The following NEIL3 variants were observed in gnomAD, a reference collection of about 807,000 sequenced individuals.
NEIL3 encodes nei like DNA glycosylase 3, also known as endonuclease 8-like 3.
NEIL3 carries 48 observed loss-of-function variants against 57.5 expected under a neutral mutation model. The observed-to-expected ratio is 0.83, with a 90% CI of 0.66 to 1.06. The LOEUF (loss-of-function observed/expected upper bound fraction) is 1.06, where lower values mean the gene tolerates loss of function less well. NEIL3 is among the 50% of genes least tolerant of loss of function. The pLI, the probability that NEIL3 is intolerant of heterozygous loss-of-function variation, is 0.00. For synonymous variants in NEIL3, 261 were observed against 253.2 expected, an observed-to-expected ratio of 1.03 and a Z score of -0.29; for missense variants, 717 against 739.1, an observed-to-expected ratio of 0.97 and a Z score of 0.35.
At chr4:177,348,246 A>C (rs182587060) in intron 6 of NEIL3, among the ~76,000 whole-genome samples, 118 of 152,274 alleles carry the variant, frequency 7.7e-4, no homozygotes, top group African/African-American at 2.5e-3. Context: ...ACGTTCCCAC[A>C]TGACGCCCAT....
In NEIL3 at chr4:177,358,614, A is replaced by T. The variant is rs940159261; in HGVS notation, c.1461-1889A>T. On this transcript the variant is annotated intron_variant, in intron 8 of 9. Transcript: ENST00000264596. ...GAGCCACCATGCCCAGCCTGTGGCT[A>T]TGTTTTTAATTTAATTTTTAAGGGA... 3.3e-5 allele frequency among the ~76,000 whole-genome samples: 5 copies of T among 152,224 alleles called. No individual in the cohort carries two copies. In the East Asian group the frequency reaches 5.8e-4, roughly 18 times the overall value.
rs368099738 is a variant in NEIL3, at chr4:177,335,740, T to C, written c.331T>C (p.Tyr111His). 22 of 1,598,070 alleles carry C rather than the reference T, an allele frequency of 1.4e-5. No homozygotes were observed. Among genetic ancestry groups the C allele is most frequent in the Admixed American group, 1.8e-5 (1 of 56,692 alleles). Residue 111 changes from tyrosine (Y) to histidine (H), a missense_variant, in exon 3 of 10, where the codon TAT (tyrosine) becomes CAT (histidine). Tyr to His is a moderately conservative substitution (Grantham distance 83, BLOSUM62 2). Transcript: ENST00000264596. ...FIMINPLEYKYKNGASPVLEV... is the reference protein window; with the variant it reads ...FIMINPLEYKHKNGASPVLEV... ...CATGATTAATCCACTTGAGTATAAA[T>C]ATAAAAATGGAGCTTCTCCTGTTTT...
At chr4:177,323,645 C>T (rs1734728713) in intron 2 of NEIL3, among the ~76,000 whole-genome samples, 1 of 152,144 alleles carries the variant, frequency 6.6e-6, no homozygotes, top group African/African-American at 2.4e-5. Flanking sequence ...TTGCAGGTTA[C>T]ACTGCTGCTG....
chr4:177,349,463 G>C (rs1377844882), intron 6 of NEIL3, among the ~76,000 whole-genome samples: 3 of 152,018 alleles, frequency 2.0e-5, no homozygotes, highest in Non-Finnish European at 4.4e-5. Flanking sequence ...TGGTCTCCTT[G>C]CCTTCTCTTT....
chr4:177,356,484 C>T (rs972776716), intron 8 of NEIL3, among the ~76,000 whole-genome samples: 7 of 152,196 alleles, frequency 4.6e-5, no homozygotes, highest in African/African-American at 1.2e-4. Flanking sequence ...AGCTACTTTA[C>T]AAGGAATAAA....
intron 1 of NEIL3, among the ~76,000 whole-genome samples, chr4:177,317,509 G>A (rs897233742): frequency 1.1e-4 from 16 of 151,226 alleles, no homozygotes; most frequent in South Asian, 8.4e-4. Context: ...AATAAGTGGC[G>A]CAGTAAACAT....
intron 2 of NEIL3, among the ~76,000 whole-genome samples, chr4:177,328,392 C>T (rs757962663): frequency 1.6e-4 from 25 of 152,116 alleles, no homozygotes; most frequent in Non-Finnish European, 2.9e-4. Context: ...GTCCCTCACA[C>T]GTACCTAGCC....
intron 2 of NEIL3, among the ~76,000 whole-genome samples, chr4:177,333,179 G>T (rs1356712643): frequency 6.6e-6 from 1 of 151,762 alleles, no homozygotes; most frequent in Non-Finnish European, 1.5e-5. Context: ...ATAGGCAGTT[G>T]CCTTATTTGC....
chr4:177,336,488 A>G (rs1734982563), intron 4 of NEIL3, among the ~76,000 whole-genome samples, 167 bp downstream of exon 4: 1 of 152,026 alleles, frequency 6.6e-6, no homozygotes, highest in South Asian at 2.1e-4. Flanking sequence ...GGCTCCTACC[A>G]CCGCACTTGC....
At chr4:177,315,663 G>C (rs1336362410) in intron 1 of NEIL3, among the ~76,000 whole-genome samples, 1 of 152,134 alleles carries the variant, frequency 6.6e-6, no homozygotes, top group African/African-American at 2.4e-5. Context: ...CAAAAACCTT[G>C]CCCAGTTTGT....
chr4:177,344,502 G>A (rs189423758), intron 6 of NEIL3, among the ~76,000 whole-genome samples: 101 of 152,104 alleles, frequency 6.6e-4, no homozygotes, highest in African/African-American at 2.2e-3. Flanking sequence ...CAATTTTCCA[G>A]TTTCTACTGA....
intron 1 of NEIL3, among the ~76,000 whole-genome samples, chr4:177,321,732 A>G (rs1365447788): frequency 1.3e-5 from 2 of 152,148 alleles, no homozygotes; most frequent in African/African-American, 4.8e-5. Flanking sequence ...TATTCTTAAC[A>G]TTGTGCTTGG....
intron 6 of NEIL3, among the ~76,000 whole-genome samples, chr4:177,349,969 G>A (rs538424664): frequency 1.3e-5 from 2 of 152,256 alleles, no homozygotes; most frequent in East Asian, 3.9e-4. Context: ...CAGAGATTAG[G>A]TCAAATAAAC....
At chr4:177,338,458 CT>C (rs1313484399) in intron 4 of NEIL3, among the ~76,000 whole-genome samples, 1 of 152,142 alleles carries the variant, frequency 6.6e-6, no homozygotes, top group African/African-American at 2.4e-5. Context: ...CTCACAAATA[CT>C]ATATTTTTCA....
Position 177,341,517 on chromosome 4 carries a change from T to C in NEIL3, c.744T>C (p.Val248=). 1 of 1,613,592 alleles carries C rather than the reference T, an allele frequency of 6.2e-7. No individual in the cohort carries two copies. The highest frequency in any genetic ancestry group is 8.5e-7 in the Non-Finnish European group (1 of 1,179,872). The change falls in exon 6 of 10, where the codon GTT becomes GTC. Residue 248 remains valine (V), a synonymous_variant. Transcript: ENST00000264596. ...TTGCTCTCTCTAAACACTATAAGGT[T>C]TACAAGCGTCCTAATTGTGGTCAGT... The part of the protein sequence containing the change: ...AGLALSKHYK[V]YKRPNCGQCH...
chr4:177,321,527 A>G (rs1247534892), intron 1 of NEIL3, among the ~76,000 whole-genome samples: 1 of 152,174 alleles, frequency 6.6e-6, no homozygotes, highest in African/African-American at 2.4e-5. Context: ...CATTACTAAA[A>G]TCTAAACCAA....
intron 1 of NEIL3, among the ~76,000 whole-genome samples, chr4:177,321,296 G>A (rs1734680153): frequency 6.6e-6 from 1 of 152,284 alleles, no homozygotes; most frequent in South Asian, 2.1e-4. Context: ...CACAAAAGAA[G>A]TTAGAGGTAA....
downstream of NEIL3, among the ~76,000 whole-genome samples, chr4:177,363,174 A>C (rs1735644873): frequency 6.6e-6 from 1 of 152,192 alleles, no homozygotes; most frequent in Admixed American, 6.5e-5. Context: ...TTTAGCACAG[A>C]TCACTATGAT....
At chr4:177,343,764 C>T (rs1735152324) in intron 6 of NEIL3, 1 of 150,332 alleles carries the variant, frequency 6.7e-6, no homozygotes, top group South Asian at 2.1e-4. Context: ...ATAATACACA[C>T]TTAATGGTTT....
Sources: allele counts gnomAD v4.1 joint callset (sites outside exome capture counted in the v4.1 genomes callset), GRCh38; gene constraint gnomAD v4.1.1; transcripts MANE v1.5; gene names NCBI Gene and HGNC (gene_info 2026-07-23, HGNC 2026-07-21).